SLC2A11: variants seen among roughly 807,000 people sequenced by gnomAD.
The protein encoded by SLC2A11 is solute carrier family 2 member 11, also known as solute carrier family 2, facilitated glucose transporter member 11.
In SLC2A11, 43 loss-of-function variants were observed where a neutral mutation model predicts 52.1. The ratio of observed to expected loss-of-function variants is 0.82; its 90% CI spans 0.65 to 1.06. The LOEUF is 1.06. SLC2A11 is among the 50% of genes least tolerant of loss of function. SLC2A11 has a pLI of 0.00. For missense variants in SLC2A11, 582 were observed against 654.2 expected, an observed-to-expected ratio of 0.89 and a Z score of 1.20; for synonymous variants, 261 against 277.6, an observed-to-expected ratio of 0.94 and a Z score of 0.59.
At chr22:23,869,905 G>T in intron 3 of SLC2A11, 1 of 684,440 alleles carries the variant, frequency 1.5e-6, no homozygotes, top group Non-Finnish European at 2.7e-6. Flanking sequence ...AGACAAAAGG[G>T]CAAAAGGCAA....
upstream of SLC2A11, chr22:23,857,853 C>CTCACTGCGCGTGCGCTAGCGCCTCTT: frequency 6.6e-7 from 1 of 1,518,980 alleles, no homozygotes; most frequent in Non-Finnish European, 8.8e-7. Flanking sequence ...CTCTCAAACG[C>CTCACTGCGCGTGCGCTAGCGCCTCTT]TCACTGCGCG....
Position 23,884,091 on chromosome 22 carries a change from A to G in SLC2A11, c.1171+67A>G. ...GAAGGAGTGATGGGTGCCTGGGTGC[A>G]CAGTGGGTGGGTGTGAATGCAATGT... On this transcript the variant is annotated intron_variant, in intron 10 of 11. Transcript: ENST00000316185. This position sits in a 1 kb window ranked among gnomAD's most constrained non-coding sequence, Gnocchi z 4.3. 6.3e-7 allele frequency: 1 copy of G among 1,580,194 alleles called. No individual in the cohort carries two copies.
chr22:23,859,176 T>C (rs1273435874), intron 1 of SLC2A11, among the ~76,000 whole-genome samples: 1 of 152,252 alleles, frequency 6.6e-6, no homozygotes, highest in Non-Finnish European at 1.5e-5. Context: ...CTCACTTCCA[T>C]GCGGCCCCCG....
intron 8 of SLC2A11, 158 bp from the exon 9 acceptor site, chr22:23,883,614 T>C: frequency 1.7e-6 from 1 of 587,948 alleles, no homozygotes; most frequent in Non-Finnish European, 2.8e-6. Context: ...GGGTGATTGA[T>C]TGACCAAGTT....
chr22:23,860,762 A>G (rs1341365190), intron 1 of SLC2A11, among the ~76,000 whole-genome samples: 1 of 146,626 alleles, frequency 6.8e-6, no homozygotes, highest in Non-Finnish European at 1.5e-5. Context: ...AGTCTCACTC[A>G]ACCTCCACCT....
Position 23,877,090 on chromosome 22 carries a change from A to C in SLC2A11, c.464A>C (p.Lys155Thr). 6.2e-7 allele frequency: 1 copy of C among 1,613,906 alleles called. No individual in the cohort carries two copies. The highest frequency in any genetic ancestry group is 8.5e-7 in the Non-Finnish European group (1 of 1,179,968). Residue 155 changes from lysine (K) to threonine (T), a missense_variant, in exon 5 of 12, where the codon AAG becomes ACG. Coordinates refer to ENST00000316185, the MANE Select transcript of SLC2A11 (RefSeq NM_001024939.4). ...QPMYLGESAP[K>T]ELRGAVAMSS... ...ATGTACCTGGGGGAGAGCGCCCCTA[A>C]GGAGCTCCGAGGAGCTGTGGCCATG...
At position 23,857,889 on chromosome 22, in the gene SLC2A11, G is replaced by C; in HGVS notation, c.-111G>C. On this transcript the variant is annotated 5_prime_UTR_variant, in exon 1 of 12. Transcript: ENST00000316185. ...TGCGCTAGCGCCTCTTTCACCACTG[G>C]GCGCTGCGCGCTGCCCTTCCCTCCG... 1 of 1,558,870 alleles carries C rather than the reference G, an allele frequency of 6.4e-7. No homozygotes were observed. Among genetic ancestry groups the C allele is most frequent in the Non-Finnish European group, 8.7e-7 (1 of 1,153,550 alleles).
chr22:23,857,122 G>A (rs969670140), upstream of SLC2A11: 26 of 1,260,340 alleles, frequency 2.1e-5, no homozygotes, highest in South Asian at 2.1e-4. Context: ...CACAACCAAG[G>A]GCTTGGCCCT....
intron 6 of SLC2A11, among the ~76,000 whole-genome samples, chr22:23,879,258 C>T (rs9612497): frequency 0.36 from 53,931 of 151,810 alleles, 9,881 homozygotes; most frequent in South Asian, 0.47. Context: ...CTTTTTTGTT[C>T]TTGTTTTTTT....
At chr22:23,863,774 T>C (rs753656500) in intron 2 of SLC2A11, among the ~76,000 whole-genome samples, 1 of 152,052 alleles carries the variant, frequency 6.6e-6, no homozygotes, top group Admixed American at 6.6e-5. Context: ...ACCACAGGCA[T>C]GTACAACAAA....
intron 3 of SLC2A11, chr22:23,869,018 G>T (rs1306852774): frequency 4.9e-6 from 1 of 202,658 alleles, no homozygotes; most frequent in Non-Finnish European, 1.0e-5. Flanking sequence ...ATAGCTGGAA[G>T]GATAGTGGGG....
chr22:23,861,381 C>T lies in SLC2A11; in HGVS notation c.31-723C>T, dbSNP rs533779913. Among the ~76,000 whole-genome samples, 8 of 150,640 alleles carry T rather than the reference C, an allele frequency of 5.3e-5. No homozygotes were observed. In the East Asian group the frequency reaches 1.6e-3, roughly 29 times the overall value. On this transcript the variant is annotated intron_variant, in intron 1 of 11. Transcript: ENST00000316185. The stretch of plus-strand genomic sequence containing the variant: ...GGGATGCCTTGGGGAATTCTCCCTC[C>T]ATCTCTAAGGGTGTTTCACTGTCCT...
chr22:23,882,682 G>T, intron 7 of SLC2A11, 36 bp downstream of exon 7: 2 of 1,605,308 alleles, frequency 1.2e-6, no homozygotes, highest in Non-Finnish European at 1.7e-6. Flanking sequence ...CCTGGGCCCC[G>T]GGGGCTTGGT....
chr22:23,857,612 G>A, upstream of SLC2A11: 2 of 939,688 alleles, frequency 2.1e-6, no homozygotes, highest in South Asian at 1.4e-5. Flanking sequence ...CCCCCAACAC[G>A]CTGGGGCGAA....
chr22:23,857,232 CGA>C, upstream of SLC2A11: 2 of 731,152 alleles, frequency 2.7e-6, no homozygotes, highest in Admixed American at 2.6e-5. Context: ...GTCAGACCAG[CGA>C]GAGACAGAGA....
Position 23,868,517 on chromosome 22 carries a change from C to T in SLC2A11, c.166C>T (p.Arg56Cys), listed in dbSNP as rs766163012. Residue 56 changes from arginine to cysteine, a missense_variant, in exon 3 of 12, where the codon CGT becomes TGT. Coordinates refer to ENST00000316185, the MANE Select transcript of SLC2A11 (RefSeq NM_001024939.4). The stretch of plus-strand genomic sequence containing the variant: ...ATTCACCAATGAGACATGGCAGGCG[C>T]GTACTGGAGAGCCACTGCCCGATCA... ...QEFTNETWQARTGEPLPDHLV... is the reference protein window; with the variant it reads ...QEFTNETWQACTGEPLPDHLV... 16 of 1,614,112 alleles carry T rather than the reference C, an allele frequency of 9.9e-6. No homozygotes were observed. Among genetic ancestry groups the T allele is most frequent in the East Asian group, 2.2e-5 (1 of 44,900 alleles).
intron 3 of SLC2A11, among the ~76,000 whole-genome samples, chr22:23,874,644 G>T (rs1406969597): frequency 2.6e-5 from 4 of 151,864 alleles, no homozygotes; most frequent in African/African-American, 7.2e-5. Flanking sequence ...TAGAGACAGG[G>T]TTTCTCCATG....
chr22:23,870,693 TA>T (rs2032423438), intron 3 of SLC2A11: 1 of 152,104 alleles, frequency 6.6e-6, no homozygotes, highest in Non-Finnish European at 1.5e-5. Flanking sequence ...TTTTATTTTT[TA>T]TTTTTTATTT....
At position 23,884,814 on chromosome 22, in the gene SLC2A11, A is replaced by C; in HGVS notation, c.1465A>C (p.Arg489=). The C allele has an allele frequency of 6.2e-7, 1 of 1,614,178 alleles. No individual in the cohort carries two copies. Among genetic ancestry groups the C allele is most frequent in the East Asian group, 2.2e-5 (1 of 44,882 alleles). The stretch of plus-strand genomic sequence containing the variant: ...CAGGCGGGCCCAGGGCCCCACGTGG[A>C]GGAGCCTGGAGGTTATCCAGTCAAC... ...FPRRAQGPTW[R]SLEVIQSTEL is the part of the protein sequence containing the mutation. Residue 489 remains arginine, a synonymous_variant, in exon 12 of 12, where the codon AGG becomes CGG. Coordinates refer to ENST00000316185, the MANE Select transcript of SLC2A11 (RefSeq NM_001024939.4). This position sits in a 1 kb window ranked among gnomAD's most constrained non-coding sequence, Gnocchi z 4.3.
Sources: allele counts gnomAD v4.1 joint callset (sites outside exome capture counted in the v4.1 genomes callset), GRCh38; gene constraint gnomAD v4.1.1; non-coding constraint Gnocchi (gnomAD v3.1); transcripts MANE v1.5; gene names NCBI Gene and HGNC (gene_info 2026-07-23, HGNC 2026-07-21).